CFAP97: variants seen among roughly 807,000 people sequenced by gnomAD.
CFAP97 encodes cilia- and flagella-associated protein 97.
In CFAP97, 36 loss-of-function variants were observed where a neutral mutation model predicts 43.1. That is an observed-to-expected ratio of 0.84 (90% confidence interval 0.64 to 1.10). The LOEUF is 1.10. CFAP97 is among the 50% of genes least tolerant of loss of function. The probability of loss-of-function intolerance (pLI) is 0.00; values close to 1 mark genes in which losing one functional copy is unlikely to be tolerated. For synonymous variants in CFAP97, 228 were observed against 225.7 expected (o/e 1.01, Z -0.09); for missense variants, 657 against 620.3 (o/e 1.06, Z -0.63).
intron 2 of CFAP97, among the ~76,000 whole-genome samples, chr4:185,179,221 T>C (rs115832330): frequency 0.03 from 4,526 of 152,192 alleles, 107 homozygotes; most frequent in Middle Eastern, 0.071. Context: ...TAGGGGCATC[T>C]GTGGAAAGAG....
intron 1 of CFAP97, among the ~76,000 whole-genome samples, chr4:185,197,426 A>C (rs374403000): frequency 1.3e-5 from 2 of 151,044 alleles, no homozygotes; most frequent in East Asian, 2.0e-4. Flanking sequence ...GTTGTTTTTG[A>C]ATTTTTTTTT....
chr4:185,159,799 AAAG>A lies in CFAP97; in HGVS notation c.*2996_*2998del, dbSNP rs1480092894. On this transcript the variant is annotated 3_prime_UTR_variant, in exon 5 of 5. Transcript: ENST00000458385. Reference sequence around the variant, plus strand: ...CTTACTAATCTTTCCTCATAGAAATAAAGAAGCCATAACTGTTAAGCACATTTT... The same window carrying A: ...CTTACTAATCTTTCCTCATAGAAATAAAGCCATAACTGTTAAGCACATTTT... 1 of 152,260 alleles carries A rather than the reference AAAG, an allele frequency of 6.6e-6. No homozygotes were observed. Among genetic ancestry groups the A allele is most frequent in the Non-Finnish European group, 1.5e-5 (1 of 68,046 alleles). 9.4% of individuals were successfully genotyped at this position (152,260 alleles called of 1,614,324 possible). A position where few individuals can be genotyped will look rare whatever the true frequency, so the allele number is the denominator to read the frequency against.
At chr4:185,184,544 C>T (rs951367860) in intron 2 of CFAP97, among the ~76,000 whole-genome samples, 4 of 152,162 alleles carry the variant, frequency 2.6e-5, no homozygotes, top group African/African-American at 7.2e-5. Flanking sequence ...ACACTGAAAA[C>T]GGCTGCAGAC....
Position 185,162,467 on chromosome 4 carries a change from T to TAC in CFAP97, c.*330_*331insGT, listed in dbSNP as rs370716758. On this transcript the variant is annotated 3_prime_UTR_variant, in exon 5 of 5. Coordinates refer to ENST00000458385, the MANE Select transcript of CFAP97 (RefSeq NM_020827.3). ...AATGAAAATAACACAAATTGAAAAC[T>TAC]ATAGTGACCATCTTGGGTACGACAT... 1.7e-5 allele frequency: 3 copies of TAC among 172,568 alleles called. No individual in the cohort carries two copies. The highest frequency in any genetic ancestry group is 1.7e-3 in the Middle Eastern group (1 of 596). 10.7% of individuals were successfully genotyped at this position (172,568 alleles called of 1,614,324 possible). A position where few individuals can be genotyped will look rare whatever the true frequency, so the allele number is the denominator to read the frequency against.
At chr4:185,163,481 T>C (rs903985679) in intron 4 of CFAP97, among the ~76,000 whole-genome samples, 2 of 152,020 alleles carry the variant, frequency 1.3e-5, no homozygotes, top group Non-Finnish European at 2.9e-5. Context: ...TTTCTAGATG[T>C]TGCACACTCC....
At chr4:185,191,783 T>C (rs1038760597) in intron 1 of CFAP97, among the ~76,000 whole-genome samples, 3 of 151,246 alleles carry the variant, frequency 2.0e-5, no homozygotes, top group Non-Finnish European at 4.4e-5. Flanking sequence ...TGAGCCGAGA[T>C]CACACCACCG....
chr4:185,187,594 T>C (rs1181678069), intron 2 of CFAP97, among the ~76,000 whole-genome samples: 2 of 151,878 alleles, frequency 1.3e-5, no homozygotes, highest in African/African-American at 2.4e-5. Context: ...GCAATGCAAG[T>C]GCCTCACCAA....
upstream of CFAP97, chr4:185,209,755 C>A (rs1475311854): frequency 1.1e-5 from 11 of 984,008 alleles, no homozygotes; most frequent in South Asian, 4.7e-5. This position sits in a 1 kb window ranked among gnomAD's most constrained non-coding sequence, Gnocchi z 5.2. Context: ...GCGGGCTCCC[C>A]CTGCCTCCGG....
chr4:185,183,075 G>A (rs1216217531), intron 2 of CFAP97, among the ~76,000 whole-genome samples: 1 of 151,988 alleles, frequency 6.6e-6, no homozygotes, highest in African/African-American at 2.4e-5. Flanking sequence ...ATTCTAGCCT[G>A]GGTGACAGAG....
rs984490599 is a variant in CFAP97, at chr4:185,162,553, T to G, written c.*245A>C. On this transcript the variant is annotated 3_prime_UTR_variant, in exon 5 of 5. Transcript: ENST00000458385. ...CAACTGAATAATTAGAAGATACACA[T>G]GCATACCACTATTTCTCTATTAAGA... 17 of 463,314 alleles carry G rather than the reference T, an allele frequency of 3.7e-5. No individual in the cohort carries two copies. The highest frequency in any genetic ancestry group is 1.6e-4 in the Admixed American group (4 of 25,546). The allele number at this position is 463,314 out of a possible 1,614,324, so 28.7% of individuals were successfully genotyped here.
At chr4:185,192,460 G>A (rs1012209196) in intron 1 of CFAP97, among the ~76,000 whole-genome samples, 2 of 151,954 alleles carry the variant, frequency 1.3e-5, no homozygotes, top group African/African-American at 4.8e-5. Context: ...ACTGATTTTT[G>A]TTTTTTTCCC....
chr4:185,168,355 C>A (rs914957894), intron 3 of CFAP97, among the ~76,000 whole-genome samples: 1 of 151,906 alleles, frequency 6.6e-6, no homozygotes, highest in Non-Finnish European at 1.5e-5. Flanking sequence ...ACCTGCGATC[C>A]CAGCACTTCG....
At position 185,162,702 on chromosome 4, in the gene CFAP97, A is replaced by G; in HGVS notation, c.*96T>C. 1 of 1,335,838 alleles carries G rather than the reference A, an allele frequency of 7.5e-7. No homozygotes were observed. Among genetic ancestry groups the G allele is most frequent in the Non-Finnish European group, 1.0e-6 (1 of 958,006 alleles). The allele number at this position is 1,335,838 out of a possible 1,614,324, so 82.7% of individuals were successfully genotyped here. On this transcript the variant is annotated 3_prime_UTR_variant, in exon 5 of 5. Transcript: ENST00000458385. ...CACTGTTGTACACCTTCAATTGCTA[A>G]AACGGTATTCTAGATGTTTACACAG...
intron 2 of CFAP97, among the ~76,000 whole-genome samples, chr4:185,176,696 G>A (rs1164771062): frequency 1.3e-5 from 2 of 152,140 alleles, no homozygotes; most frequent in Non-Finnish European, 2.9e-5. Context: ...AGCTGGAAAG[G>A]TTAGAAACCT....
chr4:185,182,856 T>C (rs1323518267), intron 2 of CFAP97, among the ~76,000 whole-genome samples: 1 of 152,130 alleles, frequency 6.6e-6, no homozygotes, highest in African/African-American at 2.4e-5. Context: ...TCCCAGCACT[T>C]TGGGAGGCTG....
chr4:185,162,849 G>A lies in CFAP97; in HGVS notation c.1548C>T (p.Gly516=), dbSNP rs1022088388. The A allele has an allele frequency of 2.5e-6, 4 of 1,612,494 alleles. No individual in the cohort carries two copies. The Admixed American group carries it at 5.0e-5, about 20-fold the overall frequency. Residue 516 remains glycine, a synonymous_variant, in exon 5 of 5, where the codon GGC becomes GGT. Coordinates refer to ENST00000458385, the MANE Select transcript of CFAP97 (RefSeq NM_020827.3). ...SERSAVDPSS[G]HPRRRPKPPN... ...GGGGTTTAGGTCTTCTTCGAGGGTG[G>A]CCACTGGAGGGGTCAACCGCTGATC...
At chr4:185,194,678 C>A (rs1043014357) in intron 1 of CFAP97, among the ~76,000 whole-genome samples, 2 of 152,184 alleles carry the variant, frequency 1.3e-5, no homozygotes, top group African/African-American at 4.8e-5. Context: ...CAGGTGCATA[C>A]CACTGTGCCC....
chr4:185,185,119 T>A (rs1162001234), intron 2 of CFAP97, among the ~76,000 whole-genome samples: 3 of 152,180 alleles, frequency 2.0e-5, no homozygotes, highest in Non-Finnish European at 2.9e-5. Flanking sequence ...ATAAGAACAA[T>A]ACTTTTTAAT....
At chr4:185,187,620 A>C (rs72704022) in intron 2 of CFAP97, among the ~76,000 whole-genome samples, 1 of 151,990 alleles carries the variant, frequency 6.6e-6, no homozygotes, top group Middle Eastern at 3.2e-3. Context: ...AAAAACCCGG[A>C]GTGTCCTTAC....
Sources: gnomAD v4.1 joint callset for allele counts (sites outside exome capture counted in the v4.1 genomes callset) on GRCh38, gnomAD v4.1.1 for gene constraint, Gnocchi (gnomAD v3.1) non-coding constraint, MANE v1.5 for transcripts, NCBI Gene and HGNC (gene_info 2026-07-23, HGNC 2026-07-21) for gene names.